The following PMS1 variants were observed in gnomAD, a reference collection of about 807,000 sequenced individuals.
The protein encoded by PMS1 is PMS1 homolog 1, mismatch repair system component, also known as PMS1 protein homolog 1.
A neutral mutation model predicts 93.1 loss-of-function variants in PMS1; 79 were observed. The ratio of observed to expected loss-of-function variants is 0.85; its 90% CI spans 0.71 to 1.02. PMS1 has a LOEUF of 1.02. PMS1 is among the 50% of genes least tolerant of loss of function. The pLI is 0.00. For missense variants in PMS1, 1,064 were observed against 1,085.3 expected, an observed-to-expected ratio of 0.98 and a Z score of 0.28; for synonymous variants, 335 against 363.4, an observed-to-expected ratio of 0.92 and a Z score of 0.89.
At chr2:189,840,928 A>T (rs2053770033) in intron 5 of PMS1, among the ~76,000 whole-genome samples, 1 of 152,190 alleles carries the variant, frequency 6.6e-6, no homozygotes, top group South Asian at 2.1e-4. Flanking sequence ...GGTACCCTCA[A>T]TTGGAGATTA....
At chr2:189,849,709 AG>A (rs1451123120) in intron 6 of PMS1, among the ~76,000 whole-genome samples, 1 of 152,008 alleles carries the variant, frequency 6.6e-6, no homozygotes, top group African/African-American at 2.4e-5. Context: ...ATTTGACACC[AG>A]GTATCATATT....
intron 10 of PMS1, among the ~76,000 whole-genome samples, chr2:189,866,078 T>C (rs887839332): frequency 6.6e-6 from 1 of 152,202 alleles, no homozygotes; most frequent in African/African-American, 2.4e-5. Flanking sequence ...TAGGAAACTG[T>C]CAGAGGAACA....
intron 6 of PMS1, among the ~76,000 whole-genome samples, chr2:189,848,232 C>T (rs2054412943): frequency 6.6e-6 from 1 of 152,146 alleles, no homozygotes; most frequent in Non-Finnish European, 1.5e-5. Context: ...GATACCTTTA[C>T]CATCATGCCC....
chr2:189,837,291 A>G (rs1182607878), intron 5 of PMS1, among the ~76,000 whole-genome samples: 1 of 151,492 alleles, frequency 6.6e-6, no homozygotes, highest in African/African-American at 2.4e-5. Flanking sequence ...ATGCCCAGCT[A>G]ATTTTTTATT....
intron 5 of PMS1, among the ~76,000 whole-genome samples, chr2:189,823,064 TC>T (rs2052080548): frequency 1.3e-5 from 2 of 151,868 alleles, no homozygotes; most frequent in African/African-American, 4.9e-5. Flanking sequence ...GGGATTTTTT[TC>T]ATCTCTTTTT....
chr2:189,841,959 C>G (rs2053853563), intron 5 of PMS1, among the ~76,000 whole-genome samples: 1 of 151,262 alleles, frequency 6.6e-6, no homozygotes, highest in South Asian at 2.1e-4. Context: ...AACCTGCTTG[C>G]TAGTGTACCC....
At chr2:189,830,299 C>G (rs530995977) in intron 5 of PMS1, among the ~76,000 whole-genome samples, 1 of 152,152 alleles carries the variant, frequency 6.6e-6, no homozygotes, top group Non-Finnish European at 1.5e-5. Context: ...TCCTTTTGCT[C>G]ATTTTGCTTC....
Position 189,863,843 on chromosome 2 carries a change from A to G in PMS1, c.1957A>G (p.Lys653Glu). The change falls in exon 10 of 13, where the codon AAG (lysine) becomes GAG (glutamate). Residue 653 changes from lysine to glutamate, a missense_variant. By Grantham distance (56) the Lys-to-Glu change is moderately conservative. Transcript: ENST00000441310. ...AATGTCACTAAAAGATGGCAGAAAA[A>G]AGATAAAACCCACCAGCGCATGGAA... is the stretch of plus-strand genomic sequence containing the variant. ...SQMSLKDGRK[K>E]IKPTSAWNLA... is the part of the protein sequence containing the mutation. The G allele has an allele frequency of 6.2e-7, 1 of 1,614,152 alleles. No individual in the cohort carries two copies. The highest frequency in any genetic ancestry group is 8.5e-7 in the Non-Finnish European group (1 of 1,180,002).
At chr2:189,789,063 T>A (rs2048615699) in intron 1 of PMS1, among the ~76,000 whole-genome samples, 2 of 152,168 alleles carry the variant, frequency 1.3e-5, no homozygotes, top group African/African-American at 4.8e-5. Flanking sequence ...AAGGTAGTTG[T>A]TCACAGCTGC....
chr2:189,798,756 G>GTTTT (rs2049587934), intron 3 of PMS1, among the ~76,000 whole-genome samples: 15 of 125,206 alleles, frequency 1.2e-4, no homozygotes, highest in Admixed American at 1.6e-4. Context: ...ATAAGTATTT[G>GTTTT]ATTTTTTTTT....
rs185112623 is a variant in PMS1, at chr2:189,798,797, A to G, written c.315+2846A>G. On this transcript the variant is annotated intron_variant, in intron 3 of 12. Coordinates refer to ENST00000441310, the MANE Select transcript of PMS1 (RefSeq NM_000534.5). ...TTTTTTTAGCTGTTGTTCAAACTTG[A>G]CAGATAGGCTTTAAGCTTTATTTGG... Among the ~76,000 whole-genome samples, 6 of 143,426 alleles carry G rather than the reference A, an allele frequency of 4.2e-5. 1 individual carries two copies. In the East Asian group the frequency reaches 1.2e-3, roughly 29 times the overall value. The allele number at this position is 143,426 out of a possible 152,430, so 94.1% of individuals were successfully genotyped here.
rs1233301 is a variant in PMS1, at chr2:189,803,205, T to A, written c.316-2447T>A. Among the ~76,000 whole-genome samples the A allele has an allele frequency of 7.9e-3, 1,200 of 152,300 alleles. 14 individuals carry two copies. Among genetic ancestry groups the A allele is most frequent in the African/African-American group, 0.028 (1,166 of 41,564 alleles). On this transcript the variant is annotated intron_variant, in intron 3 of 12. Transcript: ENST00000441310. ...AAGGCTTTATCATAATTACCTTAAA[T>A]GAATTTTTGTCAAGAGGATTTTTAC...
In PMS1 at chr2:189,822,390, A is replaced by C. The variant is rs369915235; in HGVS notation, c.582+4210A>C. Among the ~76,000 whole-genome samples, 14 of 152,246 alleles carry C rather than the reference A, an allele frequency of 9.2e-5. No individual in the cohort carries two copies. The East Asian group carries it at 1.3e-3, about 15-fold the overall frequency. On this transcript the variant is annotated intron_variant, in intron 5 of 12. Coordinates refer to ENST00000441310, the MANE Select transcript of PMS1 (RefSeq NM_000534.5). ...TACATTTTCTCCAGCCATTTCCCCA[A>C]CACATCCTGGAGAAGGCTTGATTTT...
intron 3 of PMS1, among the ~76,000 whole-genome samples, chr2:189,799,382 GT>G (rs2049670984): frequency 6.6e-6 from 1 of 152,060 alleles, no homozygotes; most frequent in Non-Finnish European, 1.5e-5. Context: ...TTTTACATAT[GT>G]ATACTCCTGA....
At chr2:189,813,664 G>T (rs2051032327) in intron 4 of PMS1, among the ~76,000 whole-genome samples, 1 of 152,192 alleles carries the variant, frequency 6.6e-6, no homozygotes, top group Non-Finnish European at 1.5e-5. Flanking sequence ...ACAACTAAAT[G>T]AAGCTGCATT....
chr2:189,788,949 G>T, intron 1 of PMS1, among the ~76,000 whole-genome samples: 1 of 152,264 alleles, frequency 6.6e-6, no homozygotes, highest in Admixed American at 6.5e-5. Flanking sequence ...GCACTAATTT[G>T]TGTGAATGTT....
In PMS1 at chr2:189,867,926, C is replaced by A. The variant is rs587778611; in HGVS notation, c.2470C>A (p.Pro824Thr). 6 of 1,608,582 alleles carry A rather than the reference C, an allele frequency of 3.7e-6. No individual in the cohort carries two copies. Among genetic ancestry groups the A allele is most frequent in the Non-Finnish European group, 5.1e-6 (6 of 1,175,104 alleles). ...GAATGGTTTCAAGATAAAATTGATA[C>A]CAGGTATGATAGTGTGGTTTAATAT... ...TANGFKIKLIPGVSITENYLE... is the reference protein window; with the variant it reads ...TANGFKIKLITGVSITENYLE... Residue 824 changes from proline (P) to threonine (T), a missense_variant, in exon 11 of 13, where the codon CCA becomes ACA. Physicochemically the swap from Pro to Thr is conservative, Grantham distance 38 (BLOSUM62 -1). Coordinates refer to ENST00000441310, the MANE Select transcript of PMS1 (RefSeq NM_000534.5).
At chr2:189,837,649 G>A (rs1257681349) in intron 5 of PMS1, among the ~76,000 whole-genome samples, 1 of 152,148 alleles carries the variant, frequency 6.6e-6, no homozygotes, top group African/African-American at 2.4e-5. Context: ...CAAAAAACAT[G>A]GAGCTACCAT....
intron 3 of PMS1, among the ~76,000 whole-genome samples, chr2:189,802,486 C>G (rs1469619337): frequency 6.6e-6 from 1 of 152,132 alleles, no homozygotes; most frequent in African/African-American, 2.4e-5. Context: ...CTTGCTGTCT[C>G]TGGTGGCAGA....
Sources: gnomAD v4.1 joint callset for allele counts (sites outside exome capture counted in the v4.1 genomes callset) on GRCh38, gnomAD v4.1.1 for gene constraint, MANE v1.5 for transcripts, NCBI Gene and HGNC (gene_info 2026-07-23, HGNC 2026-07-21) for gene names.